The following TMEM229B variants were observed in gnomAD, a reference collection of about 807,000 sequenced individuals.
TMEM229B encodes the protein transmembrane protein 229B, also known as chromosome 14 open reading frame 83.
In TMEM229B, 6 loss-of-function variants were observed where a neutral mutation model predicts 13.7. The observed-to-expected ratio is 0.44, with a 90% CI of 0.24 to 0.86. The LOEUF is 0.86. TMEM229B is among the 40% of genes least tolerant of loss of function. The pLI is 0.23. For synonymous variants in TMEM229B, 107 were observed against 102.1 expected (o/e 1.05, Z -0.29); for missense variants, 170 against 236.0 (o/e 0.72, Z 1.83).
At chr14:67,502,707 C>T (rs1358795002) in intron 1 of TMEM229B, among the ~76,000 whole-genome samples, 1 of 151,958 alleles carries the variant, frequency 6.6e-6, no homozygotes, top group Non-Finnish European at 1.5e-5. Flanking sequence ...CCACCATGGC[C>T]TCCCAAAGTG....
At chr14:67,499,285 T>G (rs1440072289) in intron 1 of TMEM229B, among the ~76,000 whole-genome samples, 1 of 152,226 alleles carries the variant, frequency 6.6e-6, no homozygotes, top group Non-Finnish European at 1.5e-5. Flanking sequence ...ATTATAAGTA[T>G]GGGCCACTGT....
chr14:67,471,650 C>T lies in TMEM229B; in HGVS notation c.*1770G>A, dbSNP rs1429911770. 1 of 152,230 alleles carries T rather than the reference C, an allele frequency of 6.6e-6. No homozygotes were observed. The highest frequency in any genetic ancestry group is 1.5e-5 in the Non-Finnish European group (1 of 68,060). The allele number at this position is 152,230 out of a possible 1,614,324, so 9.4% of individuals were successfully genotyped here. A position where few individuals can be genotyped will look rare whatever the true frequency, so the allele number is the denominator to read the frequency against. On this transcript the variant is annotated 3_prime_UTR_variant, in exon 3 of 3. Transcript: ENST00000554480. ...CCCAGGAAATAGGCTAGGAAATACC[C>T]TTCGTTCTGCTCTGGACGGGGCTAA...
At chr14:67,508,509 C>T (rs114654422) in intron 1 of TMEM229B, among the ~76,000 whole-genome samples, 105 of 152,176 alleles carry the variant, frequency 6.9e-4, no homozygotes, top group Middle Eastern at 3.4e-3. Flanking sequence ...TACAGCCTCA[C>T]GCTAGCTCTC....
At chr14:67,508,561 C>T (rs2032912100) in intron 1 of TMEM229B, among the ~76,000 whole-genome samples, 1 of 151,708 alleles carries the variant, frequency 6.6e-6, no homozygotes. Flanking sequence ...CCACCTTAAC[C>T]CTCATTCCTC....
intron 1 of TMEM229B, among the ~76,000 whole-genome samples, chr14:67,509,105 A>C (rs1077989): frequency 0.4 from 60,283 of 151,852 alleles, 13,578 homozygotes; most frequent in Middle Eastern, 0.56. Flanking sequence ...CAAGAGGAAA[A>C]TTTTGGTTTC....
upstream of TMEM229B, among the ~76,000 whole-genome samples, chr14:67,517,679 A>G (rs73272305): frequency 7.0e-3 from 1,070 of 152,232 alleles, 11 homozygotes; most frequent in African/African-American, 0.025. Flanking sequence ...CATTCCTTAC[A>G]TTAGGGATCA....
At chr14:67,521,037 T>C (rs1286602839) in intron 1 of TMEM229B, among the ~76,000 whole-genome samples, 1 of 152,238 alleles carries the variant, frequency 6.6e-6, no homozygotes, top group Non-Finnish European at 1.5e-5. Context: ...CGTTGTTCTC[T>C]GTAAAGTTCT....
chr14:67,491,879 G>A (rs989428734), upstream of TMEM229B, among the ~76,000 whole-genome samples: 88 of 152,340 alleles, frequency 5.8e-4, no homozygotes, highest in Middle Eastern at 6.8e-3. Flanking sequence ...AGGAAGCAAG[G>A]AGAGGCCCAG....
chr14:67,531,968 A>G (rs1025916343), intron 1 of TMEM229B, among the ~76,000 whole-genome samples: 9 of 151,784 alleles, frequency 5.9e-5, no homozygotes, highest in African/African-American at 2.2e-4. Flanking sequence ...AGCAAAATCC[A>G]GAGAACGTGT....
chr14:67,527,405 T>C (rs926889244), intron 1 of TMEM229B, among the ~76,000 whole-genome samples: 5 of 152,132 alleles, frequency 3.3e-5, no homozygotes, highest in Admixed American at 6.5e-5. Flanking sequence ...ACCATTGCAC[T>C]CCAGCCTGGG....
At chr14:67,504,981 T>C (rs1024458592) in intron 1 of TMEM229B, among the ~76,000 whole-genome samples, 12 of 152,180 alleles carry the variant, frequency 7.9e-5, no homozygotes, top group African/African-American at 1.2e-4. Context: ...ATTTCCCAAG[T>C]GCGTTTGGAT....
At chr14:67,527,876 C>G (rs2033391559) in intron 1 of TMEM229B, among the ~76,000 whole-genome samples, 3 of 152,306 alleles carry the variant, frequency 2.0e-5, no homozygotes, top group Non-Finnish European at 4.4e-5. Context: ...CACCCCAGAC[C>G]TCTGGCCTCT....
At chr14:67,475,350 C>T (rs539445709) in intron 2 of TMEM229B, among the ~76,000 whole-genome samples, 5 of 152,146 alleles carry the variant, frequency 3.3e-5, no homozygotes, top group Non-Finnish European at 5.9e-5. Flanking sequence ...GCTATGAACA[C>T]GGGTGTACAA....
At chr14:67,498,632 C>A (rs967402756) in intron 1 of TMEM229B, among the ~76,000 whole-genome samples, 1 of 152,170 alleles carries the variant, frequency 6.6e-6, no homozygotes, top group South Asian at 2.1e-4. Context: ...TTCAAGTGAT[C>A]AGTCTCCCAG....
At chr14:67,474,862 G>A (rs1197591229) in intron 2 of TMEM229B, among the ~76,000 whole-genome samples, 4 of 151,258 alleles carry the variant, frequency 2.6e-5, no homozygotes, top group Non-Finnish European at 5.9e-5. Context: ...CTTTCACTTA[G>A]CCTAATGTCT....
At chr14:67,474,077 C>A (rs991783276) in intron 2 of TMEM229B, 136 bp from the exon 3 acceptor site, 3 of 972,692 alleles carry the variant, frequency 3.1e-6, no homozygotes, top group Non-Finnish European at 4.4e-6. Flanking sequence ...CATGGTGAAA[C>A]CCCGTCTCTA....
chr14:67,473,703 A>G lies in TMEM229B; in HGVS notation c.221T>C (p.Leu74Pro). 1.3e-6 allele frequency: 2 copies of G among 1,594,904 alleles called. No homozygotes were observed. Among genetic ancestry groups the G allele is most frequent in the Non-Finnish European group, 1.7e-6 (2 of 1,171,206 alleles). ...GAGCGTGTAGATGAGGCAGCGCAGGAGCAGCGGGCAGCGGCCGCGCAGCCG... is the reference window on the plus strand; with the variant it reads ...GAGCGTGTAGATGAGGCAGCGCAGGGGCAGCGGGCAGCGGCCGCGCAGCCG... ...YLRLRGRCPL[L>P]LRCLIYTLWT... is the part of the protein sequence containing the mutation. The change falls in exon 3 of 3, where the codon CTC becomes CCC. Residue 74 changes from leucine to proline, a missense_variant. This residue lies in a region of TMEM229B where 57 missense variants were observed against 66.7 expected (regional missense o/e 0.85). Coordinates refer to ENST00000554480, the MANE Select transcript of TMEM229B (RefSeq NM_001348543.2). This position sits in a 1 kb window ranked among gnomAD's most constrained non-coding sequence, Gnocchi z 6.5.
chr14:67,505,218 G>A (rs1260518606), intron 1 of TMEM229B, among the ~76,000 whole-genome samples: 1 of 152,154 alleles, frequency 6.6e-6, no homozygotes, highest in Non-Finnish European at 1.5e-5. Context: ...AATGGGCAGA[G>A]ACTGGGGAAA....
At chr14:67,509,006 T>C (rs76325994) in intron 1 of TMEM229B, among the ~76,000 whole-genome samples, 6,256 of 152,080 alleles carry the variant, frequency 0.041, 170 homozygotes, top group Non-Finnish European at 0.062. Flanking sequence ...AGGATGAGGA[T>C]TGGGGTCAAG....
Sources: allele counts gnomAD v4.1 joint callset (sites outside exome capture counted in the v4.1 genomes callset), GRCh38; gene constraint gnomAD v4.1.1; regional missense constraint gnomAD v4.1.1; non-coding constraint Gnocchi (gnomAD v3.1); transcripts MANE v1.5; gene names NCBI Gene and HGNC (gene_info 2026-07-23, HGNC 2026-07-21).